Variants in CUL4A observed in about 807,000 individuals in gnomAD.
CUL4A encodes the protein cullin-4A.
A neutral mutation model predicts 95.5 loss-of-function variants in CUL4A; 16 were observed. That is an observed-to-expected ratio of 0.17 (90% CI 0.11 to 0.25). The LOEUF is 0.25. Ranked by LOEUF, CUL4A falls within the 10% of genes least tolerant of loss-of-function variation. The probability of loss-of-function intolerance (pLI) is 1.00; values close to 1 mark genes in which losing one functional copy is unlikely to be tolerated. For synonymous variants in CUL4A, 380 were observed against 353.1 expected, an observed-to-expected ratio of 1.08 and a Z score of -0.85; for missense variants, 610 against 937.0, an observed-to-expected ratio of 0.65 and a Z score of 4.56.
intron 5 of CUL4A, among the ~76,000 whole-genome samples, chr13:113,231,838 G>A (rs912012): frequency 0.2 from 30,180 of 152,080 alleles, 3,770 homozygotes; most frequent in South Asian, 0.43. Flanking sequence ...AGCAACAGGA[G>A]AGGCCCATGG....
intron 8 of CUL4A, among the ~76,000 whole-genome samples, chr13:113,236,041 A>T (rs540987791): frequency 2.0e-5 from 3 of 152,096 alleles, no homozygotes; most frequent in African/African-American, 7.2e-5. Context: ...AAATGTACAG[A>T]TGTGCAGAAC....
chr13:113,252,301 C>T lies in CUL4A; in HGVS notation c.1639-781C>T, dbSNP rs371131313. On this transcript the variant is annotated intron_variant, in intron 15 of 19. Transcript: ENST00000375440. ...GTCTAATTCCAGCGTTTTGGGAGGC[C>T]GAGGCAGGAGGAGCGCTTGGGCCCA... Among the ~76,000 whole-genome samples, 24 of 152,156 alleles carry T rather than the reference C, an allele frequency of 1.6e-4. No individual in the cohort carries two copies. In the East Asian group the frequency reaches 2.3e-3, roughly 15 times the overall value.
chr13:113,223,158 G>A (rs183468426), intron 3 of CUL4A, among the ~76,000 whole-genome samples: 14 of 152,264 alleles, frequency 9.2e-5, no homozygotes, highest in African/African-American at 3.1e-4. Context: ...AGCACTGTGC[G>A]TTGGGGACCA....
intron 15 of CUL4A, among the ~76,000 whole-genome samples, chr13:113,248,471 A>T (rs982605646): frequency 6.6e-6 from 1 of 152,034 alleles, no homozygotes; most frequent in Non-Finnish European, 1.5e-5. Context: ...TGCCTACATC[A>T]TTTTTTTAGT....
chr13:113,225,914 T>C (rs148224362), intron 3 of CUL4A, among the ~76,000 whole-genome samples: 8 of 152,346 alleles, frequency 5.3e-5, no homozygotes, highest in African/African-American at 1.9e-4. Flanking sequence ...GTCTTTGCTG[T>C]AAGTGTCTGT....
At chr13:113,228,903 G>A (rs916439095) in intron 4 of CUL4A, among the ~76,000 whole-genome samples, 3 of 151,952 alleles carry the variant, frequency 2.0e-5, no homozygotes, top group East Asian at 1.9e-4. Context: ...GGCGGATCAC[G>A]AGGTCAGGAG....
At position 113,254,694 on chromosome 13, in the gene CUL4A, G is replaced by T. The variant is rs759630706; in HGVS notation, c.1754G>T (p.Gly585Val). 1.2e-6 allele frequency: 2 copies of T among 1,603,028 alleles called. No individual in the cohort carries two copies. Among genetic ancestry groups the T allele is most frequent in the South Asian group, 2.2e-5 (2 of 89,716 alleles). Residue 585 changes from glycine (G) to valine (V), a missense_variant and splice_region_variant, in exon 17 of 20, where the codon GGG (glycine) becomes GTG (valine). Physicochemically the swap from Gly to Val is moderately radical, Grantham distance 109. Coordinates refer to ENST00000375440, the MANE Select transcript of CUL4A (RefSeq NM_001008895.4). ...GTGTGATGAGGCCTTCTCTTCCAGGGGAAGAAGGAATTCCAGGTGTCCCTC... is the reference window on the plus strand; with the variant it reads ...GTGTGATGAGGCCTTCTCTTCCAGGTGAAGAAGGAATTCCAGGTGTCCCTC... ...HAVLKAEFKEGKKEFQVSLFQ... is the reference protein window; with the variant it reads ...HAVLKAEFKEVKKEFQVSLFQ...
At chr13:113,209,834 C>T (rs930830499) in intron 1 of CUL4A, 59 bp downstream of exon 1, 31 of 1,166,204 alleles carry the variant, frequency 2.7e-5, no homozygotes, top group East Asian at 3.8e-5. Context: ...CACGAGACCC[C>T]GCCCGACTTG....
rs1201771379 is a variant in CUL4A, at chr13:113,264,941, A to ATC, written c.*1360_*1361insCT. On this transcript the variant is annotated 3_prime_UTR_variant, in exon 20 of 20. Coordinates refer to ENST00000375440, the MANE Select transcript of CUL4A (RefSeq NM_001008895.4). ...ATGTGGTCTAAGAAAGACCAAACAG[A>ATC]TTTCTATTTTTTTTTTCTTATAAGT... The ATC allele has an allele frequency of 5.1e-5, 1 of 19,452 alleles. No homozygotes were observed. The highest frequency in any genetic ancestry group is 1.8e-4 in the Non-Finnish European group (1 of 5,476). The allele number at this position is 19,452 out of a possible 1,614,324, so 1.2% of individuals were successfully genotyped here. A position where few individuals can be genotyped will look rare whatever the true frequency, so the allele number is the denominator to read the frequency against.
intron 5 of CUL4A, among the ~76,000 whole-genome samples, chr13:113,232,483 C>T (rs1816254410): frequency 6.6e-6 from 1 of 152,116 alleles, no homozygotes; most frequent in Non-Finnish European, 1.5e-5. Flanking sequence ...TGGCTGGAGC[C>T]CAGCATCTGT....
chr13:113,242,096 C>T (rs2041730194), intron 10 of CUL4A, among the ~76,000 whole-genome samples: 1 of 152,076 alleles, frequency 6.6e-6, no homozygotes, highest in South Asian at 2.1e-4. Context: ...GCAGGCAGAT[C>T]ATGAAGTCAA....
intron 2 of CUL4A, among the ~76,000 whole-genome samples, chr13:113,214,084 T>A (rs1004147577): frequency 1.3e-5 from 2 of 152,264 alleles, no homozygotes; most frequent in African/African-American, 4.8e-5. Context: ...AAGAATCTTA[T>A]GTGAAAGGAC....
chr13:113,264,884 C>G lies in CUL4A; in HGVS notation c.*1302C>G, dbSNP rs1240616806. 1 of 152,162 alleles carries G rather than the reference C, an allele frequency of 6.6e-6. No individual in the cohort carries two copies. The highest frequency in any genetic ancestry group is 1.5e-5 in the Non-Finnish European group (1 of 68,022). 9.4% of individuals were successfully genotyped at this position (152,162 alleles called of 1,614,324 possible). A position where few individuals can be genotyped will look rare whatever the true frequency, so the allele number is the denominator to read the frequency against. On this transcript the variant is annotated 3_prime_UTR_variant, in exon 20 of 20. Transcript: ENST00000375440. ...CTCACTCTTTAATTGTCATTTCTAT[C>G]TTTGAAAATTTTCATTTATGAGTTC...
At position 113,235,068 on chromosome 13, in the gene CUL4A, A is replaced by C. The variant is rs372323261; in HGVS notation, c.771A>C (p.Pro257=). 12 of 1,607,316 alleles carry C rather than the reference A, an allele frequency of 7.5e-6. No individual in the cohort carries two copies. The highest frequency in any genetic ancestry group is 1.0e-5 in the Non-Finnish European group (12 of 1,174,860). Residue 257 remains proline, a synonymous_variant, in exon 8 of 20, where the codon CCA becomes CCC. Coordinates refer to ENST00000375440, the MANE Select transcript of CUL4A (RefSeq NM_001008895.4). The stretch of plus-strand genomic sequence containing the variant: ...TTAATTGTTTTGTTTGTAAGGTTCC[A>C]GAATATCTTAACCATGTAAGTAAAC... ...GQRLMQEREV[P]EYLNHVSKRL... is the part of the protein sequence containing the mutation.
upstream of CUL4A, chr13:113,208,643 C>T (rs773899060): frequency 4.0e-5 from 65 of 1,605,692 alleles, 1 homozygote; most frequent in Non-Finnish European, 5.5e-5. Flanking sequence ...ATGGGAGCGC[C>T]GCCGAACGGA....
chr13:113,214,481 T>C (rs1325314204), intron 2 of CUL4A, among the ~76,000 whole-genome samples: 2 of 152,176 alleles, frequency 1.3e-5, no homozygotes, highest in Non-Finnish European at 2.9e-5. Flanking sequence ...CTGGTTTTTT[T>C]GTTTTTTGTT....
At chr13:113,235,702 G>A (rs1804961943) in intron 8 of CUL4A, among the ~76,000 whole-genome samples, 1 of 152,138 alleles carries the variant, frequency 6.6e-6, no homozygotes, top group South Asian at 2.1e-4. Flanking sequence ...TGGGCGCGGT[G>A]GCTCAGGCCT....
chr13:113,228,446 C>T (rs1422452048), intron 4 of CUL4A, among the ~76,000 whole-genome samples: 2 of 152,100 alleles, frequency 1.3e-5, no homozygotes, highest in Admixed American at 6.5e-5. Flanking sequence ...GTGACCTGGC[C>T]GTTAATTACT....
chr13:113,248,725 A>G (rs1375071936), intron 15 of CUL4A, among the ~76,000 whole-genome samples: 1 of 152,134 alleles, frequency 6.6e-6, no homozygotes, highest in East Asian at 1.9e-4. Flanking sequence ...ATACTCTCCC[A>G]TATACTGTAA....
Sources: allele counts gnomAD v4.1 joint callset (sites outside exome capture counted in the v4.1 genomes callset), GRCh38; gene constraint gnomAD v4.1.1; transcripts MANE v1.5; gene names NCBI Gene and HGNC (gene_info 2026-07-23, HGNC 2026-07-21).